Variants in KCNMB4 observed in about 807,000 individuals in gnomAD.
KCNMB4 encodes the protein calcium-activated potassium channel subunit beta-4.
Under a neutral mutation model 20.7 loss-of-function variants are expected in KCNMB4, and 3 were observed. The observed-to-expected ratio is 0.14, with a 90% CI of 0.07 to 0.37. The LOEUF (loss-of-function observed/expected upper bound fraction) is 0.37. KCNMB4 is among the 10% of genes least tolerant of loss of function. The pLI, the probability that KCNMB4 is intolerant of heterozygous loss-of-function variation, is 1.00. For synonymous variants in KCNMB4, 110 were observed against 113.4 expected (o/e 0.97, Z 0.19); for missense variants, 168 against 265.9 (o/e 0.63, Z 2.56).
At chr12:70,405,622 A>G (rs1405462967) in intron 2 of KCNMB4, among the ~76,000 whole-genome samples, 1 of 152,178 alleles carries the variant, frequency 6.6e-6, no homozygotes, top group Non-Finnish European at 1.5e-5. Flanking sequence ...TGATCCAGCA[A>G]TCCCACTCCT....
chr12:70,418,763 G>A (rs10784845), intron 2 of KCNMB4, among the ~76,000 whole-genome samples: 48,867 of 151,662 alleles, frequency 0.32, 8,028 homozygotes, highest in East Asian at 0.54. Context: ...TTGACATTTG[G>A]GGGGATTCCT....
intron 1 of KCNMB4, among the ~76,000 whole-genome samples, chr12:70,384,715 T>C (rs998535466): frequency 2.0e-5 from 3 of 151,864 alleles, no homozygotes; most frequent in African/African-American, 7.2e-5. Context: ...TGAAACTCTG[T>C]TTCTAAAACA....
chr12:70,401,680 T>C (rs553843972), intron 2 of KCNMB4, among the ~76,000 whole-genome samples: 1 of 150,954 alleles, frequency 6.6e-6, no homozygotes, highest in Non-Finnish European at 1.5e-5. Flanking sequence ...GCTGTGCTCA[T>C]TTGTAGTCGG....
chr12:70,369,074 T>C (rs1371454530), intron 1 of KCNMB4, among the ~76,000 whole-genome samples: 1 of 152,338 alleles, frequency 6.6e-6, no homozygotes, highest in East Asian at 1.9e-4. Context: ...AAATACATTT[T>C]ATAAAGTAAA....
intron 2 of KCNMB4, among the ~76,000 whole-genome samples, chr12:70,407,222 G>T (rs1868629616): frequency 6.6e-6 from 1 of 152,038 alleles, no homozygotes; most frequent in Non-Finnish European, 1.5e-5. Context: ...TATTATAAAG[G>T]ACACAACTCA....
chr12:70,427,943 T>C (rs1016623860), intron 2 of KCNMB4, among the ~76,000 whole-genome samples: 3 of 152,336 alleles, frequency 2.0e-5, no homozygotes, highest in Non-Finnish European at 2.9e-5. Context: ...GGAAATTACA[T>C]GCACATTTAT....
chr12:70,404,031 A>G (rs1868528791), intron 2 of KCNMB4, among the ~76,000 whole-genome samples: 1 of 152,254 alleles, frequency 6.6e-6, no homozygotes. Flanking sequence ...TGATTACATC[A>G]GCTAGAAATA....
At chr12:70,415,806 G>C (rs960582769) in intron 2 of KCNMB4, among the ~76,000 whole-genome samples, 2 of 152,096 alleles carry the variant, frequency 1.3e-5, no homozygotes, top group Admixed American at 6.6e-5. Flanking sequence ...AAACATTTAT[G>C]AGCACCTAGA....
At chr12:70,419,797 AAGG>A (rs1869003784) in intron 2 of KCNMB4, among the ~76,000 whole-genome samples, 1 of 152,178 alleles carries the variant, frequency 6.6e-6, no homozygotes, top group African/African-American at 2.4e-5. Context: ...TATAAAAAGT[AAGG>A]AGGCACTTAG....
At chr12:70,421,484 A>G (rs1056476134) in intron 2 of KCNMB4, among the ~76,000 whole-genome samples, 1 of 151,414 alleles carries the variant, frequency 6.6e-6, no homozygotes, top group Non-Finnish European at 1.5e-5. Flanking sequence ...AAAAAAAAAA[A>G]AAAAAAAAAC....
At chr12:70,377,609 GC>G (rs1443649112) in intron 1 of KCNMB4, among the ~76,000 whole-genome samples, 3 of 152,130 alleles carry the variant, frequency 2.0e-5, no homozygotes, top group Non-Finnish European at 4.4e-5. Context: ...GAAGTTTCCT[GC>G]ATCAATTGAC....
chr12:70,418,924 T>C (rs1313132930), intron 2 of KCNMB4, among the ~76,000 whole-genome samples: 1 of 152,206 alleles, frequency 6.6e-6, no homozygotes, highest in African/African-American at 2.4e-5. Context: ...GCCTTTCTTA[T>C]AAGGAGAACT....
chr12:70,386,611 TA>T (rs1156935962), intron 1 of KCNMB4, among the ~76,000 whole-genome samples: 1 of 150,022 alleles, frequency 6.7e-6, no homozygotes, highest in African/African-American at 2.4e-5. Flanking sequence ...TTTTTTTTTT[TA>T]AGGAGATGGG....
At chr12:70,379,467 G>A (rs1883745937) in intron 1 of KCNMB4, among the ~76,000 whole-genome samples, 1 of 152,198 alleles carries the variant, frequency 6.6e-6, no homozygotes, top group South Asian at 2.1e-4. Flanking sequence ...CACCCAGGCT[G>A]GAGTGCAGTG....
intron 2 of KCNMB4, among the ~76,000 whole-genome samples, chr12:70,408,478 A>C (rs764551120): frequency 2.6e-5 from 4 of 152,202 alleles, no homozygotes; most frequent in Admixed American, 6.5e-5. Context: ...AAAATCTAAG[A>C]CAAAGATTAG....
In KCNMB4 at chr12:70,366,993, G is replaced by T; in HGVS notation, c.259G>T (p.Val87Phe). Residue 87 changes from valine to phenylalanine, a missense_variant, in exon 1 of 3, where the codon GTC becomes TTC. Val to Phe is a conservative substitution (Grantham distance 50, BLOSUM62 -1). Coordinates refer to ENST00000258111, the MANE Select transcript of KCNMB4 (RefSeq NM_014505.6). ...CACCTCGCAGTACCCCTGCGTCCAGGTCTACGTGAACAACTCTGAGTCCAA... is the reference window on the plus strand; with the variant it reads ...CACCTCGCAGTACCCCTGCGTCCAGTTCTACGTGAACAACTCTGAGTCCAA... ...RGTSQYPCVQ[V>F]YVNNSESNSR... The T allele has an allele frequency of 6.2e-7, 1 of 1,604,340 alleles. No homozygotes were observed. Among genetic ancestry groups the T allele is most frequent in the Non-Finnish European group, 8.5e-7 (1 of 1,174,900 alleles).
At chr12:70,402,668 A>AAAC (rs1868487486) in intron 2 of KCNMB4, among the ~76,000 whole-genome samples, 1 of 151,320 alleles carries the variant, frequency 6.6e-6, no homozygotes, top group African/African-American at 2.4e-5. Flanking sequence ...AAAAAAAAAA[A>AAAC]AAAAAAAGGA....
intron 2 of KCNMB4, among the ~76,000 whole-genome samples, chr12:70,417,051 C>G (rs1400828069): frequency 6.6e-6 from 1 of 151,964 alleles, no homozygotes; most frequent in African/African-American, 2.4e-5. Context: ...CCAGAGCTGC[C>G]AAAATAATGG....
At chr12:70,379,083 T>C (rs530790661) in intron 1 of KCNMB4, among the ~76,000 whole-genome samples, 17 of 152,332 alleles carry the variant, frequency 1.1e-4, no homozygotes, top group Non-Finnish European at 2.2e-4. Flanking sequence ...TGTAAACTGA[T>C]GTGCTATCAT....
Sources: gnomAD v4.1 joint callset for allele counts (sites outside exome capture counted in the v4.1 genomes callset) on GRCh38, gnomAD v4.1.1 for gene constraint, MANE v1.5 for transcripts, NCBI Gene and HGNC (gene_info 2026-07-23, HGNC 2026-07-21) for gene names.